The following DNM3 variants were observed in gnomAD, a reference collection of about 807,000 sequenced individuals.
DNM3 encodes the protein dynamin-3.
DNM3 carries 47 observed loss-of-function variants against 101.6 expected under a neutral mutation model. The ratio of observed to expected loss-of-function variants is 0.46; its 90% CI spans 0.37 to 0.59. The LOEUF (loss-of-function observed/expected upper bound fraction) is 0.59, where lower values mean the gene tolerates loss of function less well. DNM3 is among the 20% of genes least tolerant of loss of function. The probability of loss-of-function intolerance (pLI) is 0.00; values close to 1 mark genes in which losing one functional copy is unlikely to be tolerated. For synonymous variants in DNM3, 385 were observed against 387.9 expected, an observed-to-expected ratio of 0.99 and a Z score of 0.09; for missense variants, 849 against 1,085.7, an observed-to-expected ratio of 0.78 and a Z score of 3.06.
intron 4 of DNM3, among the ~76,000 whole-genome samples, chr1:172,026,254 G>A (rs774087539): frequency 6.6e-6 from 1 of 152,126 alleles, no homozygotes; most frequent in Admixed American, 6.5e-5. Context: ...GACAAAATTA[G>A]AGAAAAAAGA....
intron 11 of DNM3, among the ~76,000 whole-genome samples, chr1:172,071,238 A>G (rs753879760): frequency 6.6e-6 from 1 of 151,566 alleles, no homozygotes; most frequent in Non-Finnish European, 1.5e-5. Context: ...TTCAATCTGC[A>G]ACTCAGTTAC....
rs138925722 is a variant in DNM3 at position 172,050,101 on chromosome 1, G to A, written c.1335+1351G>A. On this transcript the variant is annotated intron_variant, in intron 10 of 20. Transcript: ENST00000627582. ...AGGGACAGAAAGAAGAATGCCCATG[G>A]AGTTGAAAAAAATCAATCTTTCTAC... Among the ~76,000 whole-genome samples, 516 of 152,156 alleles carry A rather than the reference G, an allele frequency of 3.4e-3. 5 individuals are homozygous for A. Among genetic ancestry groups the A allele is most frequent in the Non-Finnish European group, 4.3e-3 (293 of 67,986 alleles).
chr1:171,888,303 A>T (rs2036960131), intron 1 of DNM3, among the ~76,000 whole-genome samples: 1 of 152,194 alleles, frequency 6.6e-6, no homozygotes. Flanking sequence ...CCAAGGTCAA[A>T]TGAAATTCAT....
intron 1 of DNM3, among the ~76,000 whole-genome samples, chr1:171,864,922 G>T (rs1332123109): frequency 6.6e-6 from 1 of 151,470 alleles, no homozygotes; most frequent in Non-Finnish European, 1.5e-5. Flanking sequence ...TTTTTGTGAG[G>T]CTAAATTGTT....
intron 4 of DNM3, among the ~76,000 whole-genome samples, chr1:171,999,348 C>T (rs1046634684): frequency 9.2e-5 from 14 of 152,070 alleles, no homozygotes; most frequent in Non-Finnish European, 1.9e-4. Context: ...AAGGGTTTTA[C>T]CCAAAGGAAC....
chr1:172,044,575 G>T, intron 9 of DNM3, 123 bp downstream of exon 9: 1 of 764,648 alleles, frequency 1.3e-6, no homozygotes, highest in South Asian at 2.2e-5. Flanking sequence ...GTGGGAGTAA[G>T]AAACAGGAAA....
chr1:171,858,593 G>T (rs776321040), intron 1 of DNM3, among the ~76,000 whole-genome samples: 7 of 152,144 alleles, frequency 4.6e-5, no homozygotes, highest in Non-Finnish European at 7.4e-5. Context: ...TGAAATAAAG[G>T]TTCCTAAGCT....
chr1:172,107,951 T>G (rs148785768), intron 13 of DNM3, among the ~76,000 whole-genome samples: 1 of 152,114 alleles, frequency 6.6e-6, no homozygotes, highest in South Asian at 2.1e-4. Flanking sequence ...TCCTGTATTA[T>G]GTATTCATAA....
At chr1:172,172,297 A>T (rs1450769681) in intron 14 of DNM3, among the ~76,000 whole-genome samples, 1 of 151,470 alleles carries the variant, frequency 6.6e-6, no homozygotes, top group African/African-American at 2.4e-5. Context: ...ACATTCCAAG[A>T]CTCCGCATAG....
intron 13 of DNM3, among the ~76,000 whole-genome samples, chr1:172,103,185 C>G (rs1359343427): frequency 1.3e-5 from 2 of 152,100 alleles, no homozygotes; most frequent in Non-Finnish European, 2.9e-5. Flanking sequence ...CATATATACA[C>G]ACACAAGCAC....
intron 15 of DNM3, among the ~76,000 whole-genome samples, chr1:172,279,380 T>C (rs1476408465): frequency 6.6e-6 from 1 of 152,166 alleles, no homozygotes; most frequent in Non-Finnish European, 1.5e-5. Flanking sequence ...ACAAATTAAT[T>C]AGCAAATGCA....
At chr1:172,293,013 C>A (rs1035439403) in intron 15 of DNM3, among the ~76,000 whole-genome samples, 1 of 152,180 alleles carries the variant, frequency 6.6e-6, no homozygotes, top group East Asian at 1.9e-4. Context: ...TCATGTAATA[C>A]ATGTGGCCGA....
At chr1:172,373,378 A>G (rs1396220861) in intron 17 of DNM3, among the ~76,000 whole-genome samples, 1 of 152,098 alleles carries the variant, frequency 6.6e-6, no homozygotes, top group Non-Finnish European at 1.5e-5. Flanking sequence ...AAAATAGTCT[A>G]AGGAAAAAAG....
chr1:172,409,682 G>C lies in DNM3; in HGVS notation c.*1841G>C, dbSNP rs760129872. 121 of 985,494 alleles carry C rather than the reference G, an allele frequency of 1.2e-4. 1 individual carries two copies. The highest frequency in any genetic ancestry group is 5.2e-4 in the Middle Eastern group (1 of 1,936). The allele number at this position is 985,494 out of a possible 1,614,324, so 61.0% of individuals were successfully genotyped here. A position where few individuals can be genotyped will look rare whatever the true frequency, so the allele number is the denominator to read the frequency against. On this transcript the variant is annotated 3_prime_UTR_variant, in exon 21 of 21. Coordinates refer to ENST00000627582, the MANE Select transcript of DNM3 (RefSeq NM_015569.5). Reference sequence around the variant, plus strand: ...TAGTGTCTCAGCTAAATGGAAAACTGTTAAGCAAACATCCATAGTAAAACA... The same window carrying C: ...TAGTGTCTCAGCTAAATGGAAAACTCTTAAGCAAACATCCATAGTAAAACA...
At chr1:172,360,443 A>G (rs527328268) in intron 17 of DNM3, among the ~76,000 whole-genome samples, 1 of 152,026 alleles carries the variant, frequency 6.6e-6, no homozygotes, top group Non-Finnish European at 1.5e-5. Context: ...TACTATTTTT[A>G]TATAGAATAA....
intron 2 of DNM3, chr1:171,970,195 AT>A: frequency 1.6e-6 from 1 of 620,338 alleles, no homozygotes; most frequent in Non-Finnish European, 2.0e-6. Context: ...TCTTGAAATA[AT>A]TTTTAAAATA....
intron 10 of DNM3, among the ~76,000 whole-genome samples, chr1:172,050,912 AC>A (rs2050162122): frequency 6.6e-6 from 1 of 152,020 alleles, no homozygotes; most frequent in Non-Finnish European, 1.5e-5. Context: ...ATTTTATCCA[AC>A]CTACTGGAAA....
intron 2 of DNM3, among the ~76,000 whole-genome samples, chr1:171,925,089 C>G (rs566003897): frequency 1.3e-5 from 2 of 149,710 alleles, no homozygotes; most frequent in African/African-American, 2.5e-5. Flanking sequence ...TTAGTAGAGA[C>G]GGGGTTTCAC....
chr1:171,878,571 G>A, intron 1 of DNM3, among the ~76,000 whole-genome samples: 1 of 152,138 alleles, frequency 6.6e-6, no homozygotes, highest in African/African-American at 2.4e-5. Flanking sequence ...GTGACAGAGA[G>A]AAAGCAAGCC....
Sources: allele counts gnomAD v4.1 joint callset (sites outside exome capture counted in the v4.1 genomes callset), GRCh38; gene constraint gnomAD v4.1.1; transcripts MANE v1.5; gene names NCBI Gene and HGNC (gene_info 2026-07-23, HGNC 2026-07-21).